Variants in MSI2 observed in about 807,000 individuals in gnomAD.
MSI2 encodes musashi RNA binding protein 2, also known as RNA-binding protein Musashi homolog 2.
MSI2 carries 17 observed loss-of-function variants against 45.6 expected under a neutral mutation model. The ratio of observed to expected loss-of-function variants is 0.37; its 90% CI spans 0.26 to 0.56. The LOEUF (loss-of-function observed/expected upper bound fraction) is 0.56. MSI2 is among the 20% of genes least tolerant of loss of function. The probability of loss-of-function intolerance (pLI) is 0.77; values close to 1 mark genes in which losing one functional copy is unlikely to be tolerated. For missense variants in MSI2, 293 were observed against 444.2 expected (o/e 0.66, Z 3.06); for synonymous variants, 156 against 158.2 (o/e 0.99, Z 0.11).
chr17:57,409,938 G>T (rs970814230), intron 6 of MSI2, among the ~76,000 whole-genome samples: 2 of 143,002 alleles, frequency 1.4e-5, no homozygotes, highest in Non-Finnish European at 3.0e-5. Flanking sequence ...AACCCAGGAG[G>T]TGGAGGTTGC....
chr17:57,693,901 G>A, the MSI2 span, among the ~76,000 whole-genome samples: 1 of 152,174 alleles, frequency 6.6e-6, no homozygotes, highest in African/African-American at 2.4e-5. Flanking sequence ...GCCTATTTTT[G>A]TATGGCCTAT....
At chr17:57,541,151 T>TAGAGAG (rs55999583) in intron 7 of MSI2, among the ~76,000 whole-genome samples, 7,683 of 148,954 alleles carry the variant, frequency 0.052, 222 homozygotes, top group Middle Eastern at 0.092. Flanking sequence ...TACATTTTGG[T>TAGAGAG]AGAGAGAGAG....
At chr17:57,318,733 G>A (rs557779926) in intron 5 of MSI2, among the ~76,000 whole-genome samples, 4 of 152,174 alleles carry the variant, frequency 2.6e-5, no homozygotes, top group Admixed American at 1.3e-4. Context: ...CTTGGAGTCC[G>A]AGGAGTGCCT....
chr17:57,640,479 A>C (rs1910165153), intron 10 of MSI2, among the ~76,000 whole-genome samples: 1 of 152,250 alleles, frequency 6.6e-6, no homozygotes, highest in East Asian at 1.9e-4. Context: ...AATAATAATA[A>C]AAATAGAAAT....
chr17:57,512,249 G>A (rs1338353989), intron 6 of MSI2, among the ~76,000 whole-genome samples: 1 of 152,128 alleles, frequency 6.6e-6, no homozygotes, highest in Admixed American at 6.5e-5. Flanking sequence ...GCCTAATATG[G>A]TAAATATGAG....
At chr17:57,510,465 T>C (rs1304729305) in intron 6 of MSI2, among the ~76,000 whole-genome samples, 1 of 152,024 alleles carries the variant, frequency 6.6e-6, no homozygotes, top group Non-Finnish European at 1.5e-5. Flanking sequence ...TTTGCTCTTG[T>C]CGCCCAAGCT....
intron 7 of MSI2, among the ~76,000 whole-genome samples, chr17:57,543,328 A>T (rs2087093510): frequency 6.6e-6 from 1 of 152,226 alleles, no homozygotes; most frequent in African/African-American, 2.4e-5. Context: ...CAGCTGATTT[A>T]GAAGAAACAC....
At chr17:57,305,794 A>G (rs1247550828) in intron 5 of MSI2, among the ~76,000 whole-genome samples, 2 of 152,040 alleles carry the variant, frequency 1.3e-5, no homozygotes, top group Non-Finnish European at 2.9e-5. Flanking sequence ...CTTTCCCTTT[A>G]TCCTTTTCTT....
intron 7 of MSI2, among the ~76,000 whole-genome samples, chr17:57,571,952 AC>A (rs1485789150): frequency 6.6e-6 from 1 of 151,806 alleles, no homozygotes; most frequent in Admixed American, 6.6e-5. Context: ...ACCTACACCC[AC>A]CCTAGTTCTC....
chr17:57,634,465 C>CA (rs11419943), intron 10 of MSI2, among the ~76,000 whole-genome samples: 27,881 of 145,334 alleles, frequency 0.19, 2,958 homozygotes, highest in East Asian at 0.4. Flanking sequence ...GACTCTGTCT[C>CA]AAAAAAAAAA....
chr17:57,536,876 T>G (rs938382933), intron 7 of MSI2, among the ~76,000 whole-genome samples: 4 of 152,280 alleles, frequency 2.6e-5, no homozygotes, highest in Non-Finnish European at 4.4e-5. Context: ...GAAAATCCAG[T>G]TCTCTTTCCA....
chr17:57,382,985 T>G (rs2083623233), intron 5 of MSI2, among the ~76,000 whole-genome samples: 1 of 152,170 alleles, frequency 6.6e-6, no homozygotes, highest in Non-Finnish European at 1.5e-5. Context: ...TGGATTCACT[T>G]TGGGACACAG....
At chr17:57,489,325 T>TG (rs992866684) in intron 6 of MSI2, among the ~76,000 whole-genome samples, 41 of 152,084 alleles carry the variant, frequency 2.7e-4, no homozygotes, top group African/African-American at 9.2e-4. Context: ...ATGTAGCAGC[T>TG]GGGGAGGGAT....
At chr17:57,265,970 G>T (rs1473346618) in intron 5 of MSI2, 4 of 152,192 alleles carry the variant, frequency 2.6e-5, no homozygotes, top group Non-Finnish European at 4.4e-5. Flanking sequence ...GAGGAACCAA[G>T]AGACTCTTTA....
In MSI2 at chr17:57,617,836, C is replaced by G. The variant is rs1358535824; in HGVS notation, c.652+1752C>G. Among the ~76,000 whole-genome samples, 3 of 151,898 alleles carry G rather than the reference C, an allele frequency of 2.0e-5. No homozygotes were observed. The South Asian group carries it at 6.2e-4, about 32-fold the overall frequency. The stretch of plus-strand genomic sequence containing the variant: ...CTGTAATCCCAGCAATTTGGGAGGC[C>G]GAGGCAGATGGATCACCTGAGGTCA... On this transcript the variant is annotated intron_variant, in intron 9 of 13. Transcript: ENST00000284073.
chr17:57,575,959 A>AAAAAAAAAAG (rs2088032943), intron 7 of MSI2, among the ~76,000 whole-genome samples: 3 of 151,470 alleles, frequency 2.0e-5, no homozygotes, highest in Non-Finnish European at 4.4e-5. Context: ...AAAAAAAAAA[A>AAAAAAAAAAG]AAAAAAAAAA....
chr17:57,259,168 C>A (rs185554367), intron 4 of MSI2, among the ~76,000 whole-genome samples: 2 of 152,208 alleles, frequency 1.3e-5, no homozygotes, highest in African/African-American at 4.8e-5. Flanking sequence ...TGCCTCTCCT[C>A]CCTTCCCTTT....
rs186317821 is a variant in MSI2 at position 57,333,822 on chromosome 17, A to T, written c.313-67557A>T. 5.9e-5 allele frequency among the ~76,000 whole-genome samples: 9 copies of T among 152,132 alleles called. No homozygotes were observed. In the East Asian group the frequency reaches 1.7e-3, roughly 29 times the overall value. ...AAAAAAACAAAAAGATTTGCCCTCTAGGATCTGCATACTTTTTTTAGAAGA... is the reference window on the plus strand; with the variant it reads ...AAAAAAACAAAAAGATTTGCCCTCTTGGATCTGCATACTTTTTTTAGAAGA... On this transcript the variant is annotated intron_variant, in intron 5 of 13. Coordinates refer to ENST00000284073, the MANE Select transcript of MSI2 (RefSeq NM_138962.4).
intron 6 of MSI2, among the ~76,000 whole-genome samples, chr17:57,443,475 G>T (rs769689500): frequency 6.6e-6 from 1 of 152,322 alleles, no homozygotes; most frequent in Admixed American, 6.5e-5. Flanking sequence ...TGGAAAAGGG[G>T]CTGAGAGAGG....
Sources: allele counts gnomAD v4.1 joint callset (sites outside exome capture counted in the v4.1 genomes callset), GRCh38; gene constraint gnomAD v4.1.1; transcripts MANE v1.5; gene names NCBI Gene and HGNC (gene_info 2026-07-23, HGNC 2026-07-21).